Variants in RASAL2 observed in about 807,000 individuals in gnomAD.
RASAL2 encodes the protein ras GTPase-activating protein nGAP.
In RASAL2, 58 loss-of-function variants were observed where a neutral mutation model predicts 128.9. The ratio of observed to expected loss-of-function variants is 0.45; its 90% CI spans 0.36 to 0.56. RASAL2 has a LOEUF of 0.56. Ranked by LOEUF, RASAL2 falls within the 20% of genes least tolerant of loss-of-function variation. The pLI, the probability that RASAL2 is intolerant of heterozygous loss-of-function variation, is 0.00. For missense variants in RASAL2, 1,360 were observed against 1,601.6 expected, an observed-to-expected ratio of 0.85 and a Z score of 2.57; for synonymous variants, 561 against 580.8, an observed-to-expected ratio of 0.97 and a Z score of 0.49.
At chr1:178,422,992 A>T (rs1675259688) in intron 5 of RASAL2, among the ~76,000 whole-genome samples, 1 of 152,082 alleles carries the variant, frequency 6.6e-6, no homozygotes, top group Non-Finnish European at 1.5e-5. Context: ...TATATTTTCA[A>T]ACCTCTTTAA....
chr1:178,454,282 A>T (rs1677604957), intron 11 of RASAL2, among the ~76,000 whole-genome samples, 165 bp from the exon 12 acceptor site: 1 of 151,954 alleles, frequency 6.6e-6, no homozygotes, highest in South Asian at 2.1e-4. Flanking sequence ...TATTAAAGTG[A>T]TATTAAGAAA....
chr1:178,238,157 A>G (rs1664336903), intron 1 of RASAL2, among the ~76,000 whole-genome samples: 2 of 152,202 alleles, frequency 1.3e-5, no homozygotes, highest in African/African-American at 4.8e-5. Context: ...TATAGATGCT[A>G]TATAAATGGA....
At chr1:178,119,036 T>TTC (rs1179567477) in intron 1 of RASAL2, among the ~76,000 whole-genome samples, 1 of 151,988 alleles carries the variant, frequency 6.6e-6, no homozygotes, top group African/African-American at 2.4e-5. Flanking sequence ...CCCAGCTAAT[T>TTC]TTTGTATTTT....
chr1:178,412,689 C>T (rs1327958342), intron 4 of RASAL2, among the ~76,000 whole-genome samples: 2 of 152,078 alleles, frequency 1.3e-5, no homozygotes, highest in Non-Finnish European at 2.9e-5. Context: ...TTATGCCATC[C>T]CCTCGAAAGT....
chr1:178,404,847 A>C (rs1257648286), intron 4 of RASAL2, among the ~76,000 whole-genome samples: 2 of 151,148 alleles, frequency 1.3e-5, no homozygotes, highest in African/African-American at 4.9e-5. Flanking sequence ...ACACCCAGCT[A>C]ATTTCTGTAT....
chr1:178,347,503 C>T lies in RASAL2; in HGVS notation c.458-42597C>T, dbSNP rs149390644. Among the ~76,000 whole-genome samples the T allele has an allele frequency of 3.6e-3, 543 of 152,176 alleles. 13 individuals are homozygous for T. The highest frequency in any genetic ancestry group is 9.7e-4 in the East Asian group (5 of 5,178). ...ACACATCAGTGAGAAAAAAGCAAGA[C>T]TGGAATGCTCATTTTACAAAAGAGG... On this transcript the variant is annotated intron_variant, in intron 3 of 17. Transcript: ENST00000367649.
intron 1 of RASAL2, among the ~76,000 whole-genome samples, chr1:178,257,967 C>T (rs750924296): frequency 2.0e-5 from 3 of 151,636 alleles, no homozygotes; most frequent in Non-Finnish European, 4.4e-5. Flanking sequence ...AATTGGACTT[C>T]ATCAATATTT....
chr1:178,276,495 C>A (rs559597384), intron 1 of RASAL2, among the ~76,000 whole-genome samples: 1 of 151,638 alleles, frequency 6.6e-6, no homozygotes, highest in Non-Finnish European at 1.5e-5. Flanking sequence ...GTGGACTACT[C>A]CTCAACCACA....
intron 17 of RASAL2, 64 bp downstream of exon 17, chr1:178,467,485 C>T (rs1018792606): frequency 2.1e-6 from 3 of 1,432,656 alleles, no homozygotes; most frequent in Non-Finnish European, 2.9e-6. Flanking sequence ...CCTGACTTCA[C>T]ACCCTTGCAA....
intron 4 of RASAL2, among the ~76,000 whole-genome samples, chr1:178,419,179 A>C (rs1674971862): frequency 6.6e-6 from 1 of 152,206 alleles, no homozygotes; most frequent in African/African-American, 2.4e-5. Flanking sequence ...TACACAGCTT[A>C]TATAAAATGA....
intron 4 of RASAL2, among the ~76,000 whole-genome samples, chr1:178,405,009 G>T (rs2102675918): frequency 6.6e-6 from 1 of 152,234 alleles, no homozygotes; most frequent in African/African-American, 2.4e-5. Flanking sequence ...AAACAACATA[G>T]AAATATTATT....
chr1:178,399,015 A>G (rs756678518), intron 4 of RASAL2, among the ~76,000 whole-genome samples: 1 of 152,186 alleles, frequency 6.6e-6, no homozygotes, highest in South Asian at 2.1e-4. Context: ...TGCCATCTCA[A>G]AGTTCTTAGT....
chr1:178,454,029 GT>G (rs1224636166), intron 11 of RASAL2, among the ~76,000 whole-genome samples: 15 of 151,958 alleles, frequency 9.9e-5, no homozygotes, highest in African/African-American at 3.4e-4. Flanking sequence ...AAGGAGAGAA[GT>G]TTTTCTCTAG....
intron 1 of RASAL2, among the ~76,000 whole-genome samples, chr1:178,183,852 A>G (rs1302490010): frequency 6.6e-6 from 1 of 152,220 alleles, no homozygotes; most frequent in East Asian, 1.9e-4. Flanking sequence ...ATTATGTAGT[A>G]AGACTGTGTT....
Position 178,431,483 on chromosome 1 carries a change from A to T in RASAL2, c.675-7939A>T, listed in dbSNP as rs117724245. 3.7e-3 allele frequency among the ~76,000 whole-genome samples: 556 copies of T among 152,210 alleles called. 4 individuals carry two copies. Among genetic ancestry groups the T allele is most frequent in the East Asian group, 0.02 (104 of 5,174 alleles). On this transcript the variant is annotated intron_variant, in intron 5 of 17. Transcript: ENST00000367649. ...GCAGGTAGAAACATGCACTGCTGATAGACACTTAAATTGATGTTGTCTTTA... is the reference window on the plus strand; with the variant it reads ...GCAGGTAGAAACATGCACTGCTGATTGACACTTAAATTGATGTTGTCTTTA...
intron 1 of RASAL2, among the ~76,000 whole-genome samples, chr1:178,200,844 A>T (rs1335852227): frequency 6.6e-6 from 1 of 152,212 alleles, no homozygotes; most frequent in East Asian, 1.9e-4. Flanking sequence ...CATCCCCAGT[A>T]GTGGCAGCAT....
chr1:178,215,836 C>T (rs1663406304), intron 1 of RASAL2, among the ~76,000 whole-genome samples: 2 of 152,088 alleles, frequency 1.3e-5, no homozygotes, highest in South Asian at 4.1e-4. Flanking sequence ...GACCAGAAGA[C>T]CTTTGCAATA....
At chr1:178,293,134 T>C (rs1667352602) in intron 2 of RASAL2, among the ~76,000 whole-genome samples, 1 of 152,154 alleles carries the variant, frequency 6.6e-6, no homozygotes, top group Admixed American at 6.5e-5. Flanking sequence ...TTCACTGTGT[T>C]AGGAGTTACA....
intron 1 of RASAL2, among the ~76,000 whole-genome samples, chr1:178,192,747 A>G (rs1443386163): frequency 5.3e-5 from 8 of 152,170 alleles, no homozygotes; most frequent in African/African-American, 1.9e-4. Context: ...TAAGTAGGCA[A>G]ATGAATATAT....
Sources: allele counts gnomAD v4.1 joint callset (sites outside exome capture counted in the v4.1 genomes callset), GRCh38; gene constraint gnomAD v4.1.1; transcripts MANE v1.5; gene names NCBI Gene and HGNC (gene_info 2026-07-23, HGNC 2026-07-21).